SLCO4A1: variants seen among roughly 807,000 people sequenced by gnomAD.
SLCO4A1 encodes the protein colon organic anion transporter.
SLCO4A1 carries 51 observed loss-of-function variants against 64.6 expected under a neutral mutation model. The observed-to-expected ratio is 0.79, with a 90% CI of 0.63 to 1.00. SLCO4A1 has a LOEUF of 1.00. SLCO4A1 is among the 50% of genes least tolerant of loss of function. The pLI is 0.00. For missense variants in SLCO4A1, 919 were observed against 980.5 expected, an observed-to-expected ratio of 0.94 and a Z score of 0.84; for synonymous variants, 471 against 444.9, an observed-to-expected ratio of 1.06 and a Z score of -0.74.
chr20:62,679,665 T>C (rs1600695630), intron 2 of SLCO4A1, among the ~76,000 whole-genome samples: 1 of 152,326 alleles, frequency 6.6e-6, no homozygotes, highest in African/African-American at 2.4e-5. Context: ...GCCTGGTTTA[T>C]GGAATCACTT....
intron 1 of SLCO4A1, among the ~76,000 whole-genome samples, chr20:62,647,485 C>T (rs554718574): frequency 5.9e-5 from 9 of 152,332 alleles, no homozygotes; most frequent in African/African-American, 1.7e-4. Flanking sequence ...GCCTGGAAGC[C>T]GGGACTGGGA....
intron 10 of SLCO4A1, 87 bp downstream of exon 10, chr20:62,668,628 A>T (rs1326455961): frequency 2.3e-6 from 3 of 1,281,772 alleles, no homozygotes; most frequent in East Asian, 4.6e-5. Flanking sequence ...CACCAAGGGG[A>T]TGTGCTTCCC....
chr20:62,674,165 G>A (rs575100781), downstream of SLCO4A1, among the ~76,000 whole-genome samples: 1 of 152,338 alleles, frequency 6.6e-6, no homozygotes, highest in East Asian at 1.9e-4. Flanking sequence ...GTCCCAGTGA[G>A]TGGTGGGCGA....
At chr20:62,673,747 C>T (rs1987444771), downstream of SLCO4A1, among the ~76,000 whole-genome samples, 1 of 103,072 alleles carries the variant, frequency 9.7e-6, no homozygotes, top group African/African-American at 2.9e-5. Flanking sequence ...CTGCCAAGGG[C>T]CACGTGAGCC....
intron 1 of SLCO4A1, chr20:62,650,386 A>T (rs958088509): frequency 6.6e-6 from 1 of 152,184 alleles, no homozygotes; most frequent in Non-Finnish European, 1.5e-5. Flanking sequence ...TGGGGCTGCC[A>T]TGAGGCCCTT....
At chr20:62,647,693 A>C (rs1004616303) in intron 1 of SLCO4A1, among the ~76,000 whole-genome samples, 3 of 152,238 alleles carry the variant, frequency 2.0e-5, no homozygotes, top group Non-Finnish European at 4.4e-5. Flanking sequence ...AAGTAAGTGC[A>C]TGGGGCCTAG....
At chr20:62,671,056 C>G (rs1466161410) in intron 11 of SLCO4A1, among the ~76,000 whole-genome samples, 1 of 152,264 alleles carries the variant, frequency 6.6e-6, no homozygotes, top group East Asian at 1.9e-4. Flanking sequence ...CCACATCGTC[C>G]TCTTGCCCTG....
Position 62,668,182 on chromosome 20 carries a change from A to T in SLCO4A1, c.1809A>T (p.Leu603=), listed in dbSNP as rs747401515. Residue 603 remains leucine, a splice_region_variant and synonymous_variant, in exon 9 of 12, where the codon CTA becomes CTT. Coordinates refer to ENST00000217159, the MANE Select transcript of SLCO4A1 (RefSeq NM_016354.4). The part of the protein sequence containing the change: ...LSSIPALTAT[L]RCVRDPQRSF... ...GCATTCCTGCACTAACGGCAACTCTACGGTAAGCTGGGGTCGGGTGTGCGC... is the reference window on the plus strand; with the variant it reads ...GCATTCCTGCACTAACGGCAACTCTTCGGTAAGCTGGGGTCGGGTGTGCGC... 3 of 1,613,562 alleles carry T rather than the reference A, an allele frequency of 1.9e-6. No homozygotes were observed. Among genetic ancestry groups the T allele is most frequent in the Non-Finnish European group, 2.5e-6 (3 of 1,179,824 alleles).
Position 62,656,660 on chromosome 20 carries a change from C to T in SLCO4A1, c.206C>T (p.Ala69Val), listed in dbSNP as rs1983771250. 2 of 1,604,432 alleles carry T rather than the reference C, an allele frequency of 1.2e-6. No homozygotes were observed. ...CAGCTCTGGGCCGAGAAGCATGGCG[C>T]CCGGGGGACCCATGAGGTGCGGTAC... ...LCQLWAEKHGARGTHEVRYVS... is the reference protein window; with the variant it reads ...LCQLWAEKHGVRGTHEVRYVS... The change falls in exon 2 of 12, where the codon GCC (alanine) becomes GTC (valine). Residue 69 changes from alanine to valine, a missense_variant. Coordinates refer to ENST00000217159, the MANE Select transcript of SLCO4A1 (RefSeq NM_016354.4).
At chr20:62,690,663 A>G (rs897099287), downstream of SLCO4A1, among the ~76,000 whole-genome samples, 1 of 152,260 alleles carries the variant, frequency 6.6e-6, no homozygotes, top group Non-Finnish European at 1.5e-5. Flanking sequence ...CTGGCTTCCA[A>G]TTCGGGGCCT....
chr20:62,683,325 G>T (rs1406902727), intron 2 of SLCO4A1, among the ~76,000 whole-genome samples: 2 of 152,098 alleles, frequency 1.3e-5, no homozygotes, highest in African/African-American at 2.4e-5. Flanking sequence ...CACTTCTCCT[G>T]CAGAGCCAGC....
In SLCO4A1 at chr20:62,656,717, G is replaced by C. The variant is rs762500897; in HGVS notation, c.263G>C (p.Trp88Ser). ...GCCGGGCAGAGCGTGGCGTGCGGCT[G>C]GTGGGCCTTCGCACCGCCGTGCCTG... ...VSAGQSVACG[W>S]WAFAPPCLQV... is the part of the protein sequence containing the mutation. The change falls in exon 2 of 12, where the codon TGG becomes TCG. Residue 88 changes from tryptophan to serine, a missense_variant. By Grantham distance (177) the Trp-to-Ser change is radical. Coordinates refer to ENST00000217159, the MANE Select transcript of SLCO4A1 (RefSeq NM_016354.4). 3.1e-6 allele frequency: 5 copies of C among 1,610,878 alleles called. No individual in the cohort carries two copies. The highest frequency in any genetic ancestry group is 3.3e-4 in the Middle Eastern group (2 of 6,056).
At chr20:62,684,779 G>T (rs1987992562) in intron 2 of SLCO4A1, among the ~76,000 whole-genome samples, 1 of 152,080 alleles carries the variant, frequency 6.6e-6, no homozygotes, top group Admixed American at 6.5e-5. Context: ...ACTCATCAGG[G>T]CAGCCCCCAC....
At chr20:62,678,635 G>A (rs1031836137) in intron 2 of SLCO4A1, among the ~76,000 whole-genome samples, 37 of 151,356 alleles carry the variant, frequency 2.4e-4, no homozygotes, top group African/African-American at 8.5e-4. Flanking sequence ...GGGTTCAAGC[G>A]AATTTTCACA....
chr20:62,661,023 G>GGGCCCCCCCCC lies in SLCO4A1; in HGVS notation c.1010-41_1010-40insGGCCCCCCCCC. The GGGCCCCCCCCC allele has an allele frequency of 1.4e-6, 1 of 732,790 alleles. No individual in the cohort carries two copies. The highest frequency in any genetic ancestry group is 2.5e-6 in the Non-Finnish European group (1 of 399,750). 45.4% of individuals were successfully genotyped at this position (732,790 alleles called of 1,614,324 possible). A position where few individuals can be genotyped will look rare whatever the true frequency, so the allele number is the denominator to read the frequency against. On this transcript the variant is annotated intron_variant, in intron 4 of 11. Transcript: ENST00000217159. The surrounding 1 kb of genome is among the most constrained non-coding windows in gnomAD (Gnocchi z 5.2). The stretch of plus-strand genomic sequence containing the variant: ...CTCTCGGAGAAGTCCACCTCCGGGA[G>GGGCCCCCCCCC]CCCCCAGCCCCCAGCCCCAGCTCAC...
chr20:62,681,914 A>G (rs1403469326), intron 2 of SLCO4A1, among the ~76,000 whole-genome samples: 1 of 152,136 alleles, frequency 6.6e-6, no homozygotes. Flanking sequence ...AAAACTTTTC[A>G]GCTACAAGGA....
At chr20:62,689,756 T>C (rs1201288981), downstream of SLCO4A1, among the ~76,000 whole-genome samples, 1 of 152,248 alleles carries the variant, frequency 6.6e-6, no homozygotes, top group Non-Finnish European at 1.5e-5. Flanking sequence ...GTAGGGATCC[T>C]GCCAAGCTGC....
intron 1 of SLCO4A1, among the ~76,000 whole-genome samples, chr20:62,646,034 G>GGGA (rs1165950693): frequency 6.6e-6 from 1 of 152,166 alleles, no homozygotes; most frequent in Admixed American, 6.5e-5. Context: ...GAGGCCACCT[G>GGGA]GGAGGAGAGT....
In SLCO4A1 at chr20:62,658,782, A is replaced by G. The variant is rs1418755065; in HGVS notation, c.887+15A>G. The stretch of plus-strand genomic sequence containing the variant: ...ATGGGCCGACGGTGAGTGGCCGCGC[A>G]CCCAGCTGCCTGCGCTGGAGAGGCC... On this transcript the variant is annotated intron_variant, in intron 3 of 11. Transcript: ENST00000217159. 4.4e-6 allele frequency: 7 copies of G among 1,585,528 alleles called. No individual in the cohort carries two copies. Among genetic ancestry groups the G allele is most frequent in the Admixed American group, 3.5e-5 (2 of 56,742 alleles).
Sources: gnomAD v4.1 joint callset for allele counts (sites outside exome capture counted in the v4.1 genomes callset) on GRCh38, gnomAD v4.1.1 for gene constraint, Gnocchi (gnomAD v3.1) non-coding constraint, MANE v1.5 for transcripts, NCBI Gene and HGNC (gene_info 2026-07-23, HGNC 2026-07-21) for gene names.